Variants in TMEM255B observed in about 807,000 individuals in gnomAD.
TMEM255B encodes the protein transmembrane protein 255B, also known as family with sequence similarity 70, member B.
A neutral mutation model predicts 34.5 loss-of-function variants in TMEM255B; 35 were observed. The observed-to-expected ratio is 1.01, with a 90% CI of 0.77 to 1.34. TMEM255B has a LOEUF of 1.34. TMEM255B is among the 40% of genes most tolerant of loss of function. The pLI, the probability that TMEM255B is intolerant of heterozygous loss-of-function variation, is 0.00. For missense variants in TMEM255B, 432 were observed against 433.2 expected (o/e 1.00, Z 0.02); for synonymous variants, 206 against 201.2 (o/e 1.02, Z -0.20).
At chr13:113,805,342 T>C (rs1018840775) in intron 8 of TMEM255B, among the ~76,000 whole-genome samples, 1 of 152,226 alleles carries the variant, frequency 6.6e-6, no homozygotes, top group South Asian at 2.1e-4. Flanking sequence ...TGCGTTTGTC[T>C]GCTGGTGGAC....
At chr13:113,774,738 CCACA>C (rs1194884425) in intron 3 of TMEM255B, among the ~76,000 whole-genome samples, 15 of 116,452 alleles carry the variant, frequency 1.3e-4, no homozygotes, top group Non-Finnish European at 2.6e-4. Flanking sequence ...ACACACGACA[CCACA>C]CACACTACAC....
At chr13:113,766,688 G>T (rs548623234) in intron 2 of TMEM255B, among the ~76,000 whole-genome samples, 13 of 152,330 alleles carry the variant, frequency 8.5e-5, no homozygotes, top group African/African-American at 3.1e-4. Context: ...GAGGGACCAG[G>T]TCGACCACCA....
rs770300318 is a variant in TMEM255B, at chr13:113,801,755, C to T, written c.612C>T (p.Val204=). Residue 204 remains valine, a synonymous_variant, in exon 7 of 9, where the codon GTC becomes GTT. Coordinates refer to ENST00000375353, the MANE Select transcript of TMEM255B (RefSeq NM_182614.4). ...RLLWASAVLN[V]LGLFLGIITA... is the part of the protein sequence containing the mutation. ...TCTGGGCCTCTGCAGTTCTGAACGT[C>T]CTGGGCCTGTTCCTGGGCATCATCA... 5 of 1,612,948 alleles carry T rather than the reference C, an allele frequency of 3.1e-6. No individual in the cohort carries two copies. The highest frequency in any genetic ancestry group is 3.3e-5 in the Admixed American group (2 of 59,944).
intron 2 of TMEM255B, chr13:113,766,574 G>A (rs560096151): frequency 9.3e-4 from 390 of 420,652 alleles, no homozygotes; most frequent in African/African-American, 7.5e-3. Flanking sequence ...GGGGGCCAGA[G>A]CCCGGCAACA....
intron 8 of TMEM255B, among the ~76,000 whole-genome samples, chr13:113,809,109 G>T (rs2051249598): frequency 8.7e-6 from 1 of 114,774 alleles, no homozygotes; most frequent in Non-Finnish European, 1.8e-5. Context: ...ATGGTTCCCG[G>T]GGGCTTAACT....
At chr13:113,810,981 C>G (rs1451631530) in intron 8 of TMEM255B, among the ~76,000 whole-genome samples, 5 of 152,136 alleles carry the variant, frequency 3.3e-5, no homozygotes, top group African/African-American at 9.7e-5. Flanking sequence ...CAGAGGCTCG[C>G]TGGCTGTGAG....
chr13:113,793,219 C>T (rs555110241), intron 3 of TMEM255B, among the ~76,000 whole-genome samples: 5 of 152,344 alleles, frequency 3.3e-5, no homozygotes, highest in African/African-American at 1.2e-4. Flanking sequence ...TCTGCCCCCT[C>T]GCACAGCCAC....
In TMEM255B at chr13:113,816,365, G is replaced by C. The variant is rs2051403144; in HGVS notation, c.*4462G>C. 1 of 161,706 alleles carries C rather than the reference G, an allele frequency of 6.2e-6. No homozygotes were observed. The highest frequency in any genetic ancestry group is 2.4e-5 in the African/African-American group (1 of 41,532). 10.0% of individuals were successfully genotyped at this position (161,706 alleles called of 1,614,324 possible). On this transcript the variant is annotated 3_prime_UTR_variant, in exon 9 of 9. Transcript: ENST00000375353. ...TCCGGGAGCCAGATGGCAGTGATGG[G>C]TGGACGGCCCCGTGGATGGACTGAC... is the stretch of plus-strand genomic sequence containing the variant.
Position 113,793,074 on chromosome 13 carries a change from C to G in TMEM255B, c.253-2074C>G, listed in dbSNP as rs147986416. On this transcript the variant is annotated intron_variant, in intron 3 of 8. Transcript: ENST00000375353. ...CCAGCCCAGCAGTTCAGAGAACGCT[C>G]TGGAAGGACTCAGCTTGCCAGCTCT... 8.1e-3 allele frequency among the ~76,000 whole-genome samples: 1,233 copies of G among 152,346 alleles called. 14 individuals carry two copies. The highest frequency in any genetic ancestry group is 0.028 in the African/African-American group (1,171 of 41,582).
chr13:113,775,206 TACA>T (rs1489258029), intron 3 of TMEM255B, among the ~76,000 whole-genome samples: 1 of 149,676 alleles, frequency 6.7e-6, no homozygotes, highest in African/African-American at 2.5e-5. Flanking sequence ...CCACACATAC[TACA>T]ACACCACACA....
intron 5 of TMEM255B, 73 bp from the exon 6 acceptor site, chr13:113,800,750 GAGGC>G: frequency 7.1e-7 from 1 of 1,413,088 alleles, no homozygotes; most frequent in East Asian, 2.5e-5. Flanking sequence ...CAGCTCCCAT[GAGGC>G]AGCCCTGCCC....
At chr13:113,808,110 G>A (rs9604512) in intron 8 of TMEM255B, among the ~76,000 whole-genome samples, 12,497 of 152,222 alleles carry the variant, frequency 0.082, 594 homozygotes, top group Admixed American at 0.14. Flanking sequence ...GAAGAACAAT[G>A]GAGGAGGGGC....
intron 8 of TMEM255B, among the ~76,000 whole-genome samples, chr13:113,805,562 C>T (rs533579921): frequency 2.6e-5 from 4 of 152,346 alleles, no homozygotes; most frequent in South Asian, 2.1e-4. Context: ...TGGGCATGAC[C>T]GCCTTCTGTG....
chr13:113,802,588 G>A lies in TMEM255B; in HGVS notation c.669+776G>A, dbSNP rs778883541. ...GACGCACATCATGCAGGCCAGACCC[G>A]GCCCAGCGAGGCAGCGAAAACACTC... On this transcript the variant is annotated intron_variant, in intron 7 of 8. Coordinates refer to ENST00000375353, the MANE Select transcript of TMEM255B (RefSeq NM_182614.4). Among the ~76,000 whole-genome samples, 36 of 136,602 alleles carry A rather than the reference G, an allele frequency of 2.6e-4. No individual in the cohort carries two copies. The South Asian group carries it at 5.8e-3, about 22-fold the overall frequency. 89.6% of individuals were successfully genotyped at this position (136,602 alleles called of 152,430 possible).
chr13:113,786,666 T>TCATCACTGTCATCAC (rs1270440691), intron 3 of TMEM255B, among the ~76,000 whole-genome samples: 2 of 151,866 alleles, frequency 1.3e-5, no homozygotes, highest in African/African-American at 4.8e-5. Flanking sequence ...CTCATCACCA[T>TCATCACTGTCATCAC]CATCACTGTC....
chr13:113,794,717 T>A (rs1300378200), intron 3 of TMEM255B, among the ~76,000 whole-genome samples: 4 of 152,220 alleles, frequency 2.6e-5, no homozygotes, highest in Non-Finnish European at 5.9e-5. Flanking sequence ...AAACCATTCC[T>A]GGCTCCAAGC....
chr13:113,773,456 A>G (rs1304787937), intron 3 of TMEM255B, among the ~76,000 whole-genome samples: 1 of 152,242 alleles, frequency 6.6e-6, no homozygotes, highest in East Asian at 1.9e-4. Context: ...ACACATGGGT[A>G]CTGGAATGAC....
chr13:113,805,020 C>T lies in TMEM255B; in HGVS notation c.805C>T (p.Pro269Ser). The change falls in exon 8 of 9, where the codon CCC (proline) becomes TCC (serine). Residue 269 changes from proline (P) to serine (S), a missense_variant. Coordinates refer to ENST00000375353, the MANE Select transcript of TMEM255B (RefSeq NM_182614.4). ...CCCGACCTGCTCGTCCTACCCTCTG[C>T]CCCTTCAGGTAGGGCCAGCATCACC... ...PVPTCSSYPL[P>S]LQPCSRFPVA... The T allele has an allele frequency of 6.2e-7, 1 of 1,600,508 alleles. No homozygotes were observed. Among genetic ancestry groups the T allele is most frequent in the Non-Finnish European group, 8.5e-7 (1 of 1,176,486 alleles).
intron 2 of TMEM255B, chr13:113,768,347 C>A: frequency 2.3e-6 from 1 of 434,864 alleles, no homozygotes; most frequent in South Asian, 1.7e-5. Context: ...CAGGACGGGC[C>A]CTGGGTGGAG....
Sources: allele counts gnomAD v4.1 joint callset (sites outside exome capture counted in the v4.1 genomes callset), GRCh38; gene constraint gnomAD v4.1.1; transcripts MANE v1.5; gene names NCBI Gene and HGNC (gene_info 2026-07-23, HGNC 2026-07-21).